CALN1: variants seen among roughly 807,000 people sequenced by gnomAD.
CALN1 encodes calneuron 1, also known as calcium-binding protein 8.
In CALN1, 17 loss-of-function variants were observed where a neutral mutation model predicts 30.6. That is an observed-to-expected ratio of 0.56 (90% CI 0.38 to 0.83). The LOEUF (loss-of-function observed/expected upper bound fraction) is 0.83. Ranked by LOEUF, CALN1 falls within the 40% of genes least tolerant of loss-of-function variation. The pLI is 0.00. For synonymous variants in CALN1, 156 were observed against 131.4 expected (o/e 1.19, Z -1.28); for missense variants, 291 against 354.9 (o/e 0.82, Z 1.45).
At chr7:72,097,360 G>C (rs1806307350) in intron 4 of CALN1, among the ~76,000 whole-genome samples, 1 of 152,180 alleles carries the variant, frequency 6.6e-6, no homozygotes. Flanking sequence ...CTTAGGTCTT[G>C]AGGATATCAA....
At chr7:72,270,540 G>T (rs1035551556) in intron 3 of CALN1, among the ~76,000 whole-genome samples, 5 of 152,184 alleles carry the variant, frequency 3.3e-5, no homozygotes, top group African/African-American at 1.2e-4. Flanking sequence ...GGGAGACTGA[G>T]GTGGGAGGAT....
intron 5 of CALN1, among the ~76,000 whole-genome samples, chr7:71,854,233 G>T (rs1056949751): frequency 1.3e-5 from 2 of 152,140 alleles, no homozygotes; most frequent in Non-Finnish European, 2.9e-5. Context: ...GGCCGGGCAG[G>T]AGGCTGAGGC....
intron 2 of CALN1, among the ~76,000 whole-genome samples, chr7:72,328,171 C>CCACT (rs1801414429): frequency 6.6e-6 from 1 of 152,080 alleles, no homozygotes; most frequent in Non-Finnish European, 1.5e-5. Context: ...CAAAACAGAG[C>CCACT]CACTTATTGG....
chr7:72,057,380 GTTC>G (rs1431601859), intron 4 of CALN1, among the ~76,000 whole-genome samples: 2 of 76,162 alleles, frequency 2.6e-5, no homozygotes, highest in Non-Finnish European at 4.8e-5. Context: ...CTTTTTAAAT[GTTC>G]TTTTTTTTTT....
At chr7:72,363,217 T>G (rs1396090461) in intron 2 of CALN1, among the ~76,000 whole-genome samples, 1 of 151,054 alleles carries the variant, frequency 6.6e-6, no homozygotes, top group East Asian at 1.9e-4. Context: ...GTTGTTCCCT[T>G]CTGTGAGATT....
At chr7:72,056,624 A>G (rs1238876335) in intron 4 of CALN1, among the ~76,000 whole-genome samples, 2 of 152,154 alleles carry the variant, frequency 1.3e-5, no homozygotes, top group Non-Finnish European at 2.9e-5. Context: ...TAACAAAAAA[A>G]TAGAGATTCA....
At chr7:72,063,626 A>G (rs1803815515) in intron 4 of CALN1, among the ~76,000 whole-genome samples, 1 of 152,226 alleles carries the variant, frequency 6.6e-6, no homozygotes, top group Admixed American at 6.5e-5. Flanking sequence ...AGCTGAAAAA[A>G]GCAAAACTTG....
intron 2 of CALN1, among the ~76,000 whole-genome samples, chr7:72,302,555 G>A (rs1164891026): frequency 2.0e-5 from 3 of 152,082 alleles, no homozygotes; most frequent in Non-Finnish European, 4.4e-5. Context: ...CGGAGGTGCA[G>A]GCATTCCAGA....
chr7:72,101,177 G>T (rs1232948754), intron 4 of CALN1, among the ~76,000 whole-genome samples: 1 of 152,056 alleles, frequency 6.6e-6, no homozygotes, highest in African/African-American at 2.4e-5. Context: ...TGTTGGTGAG[G>T]CTGGTCTCAA....
chr7:72,206,643 C>T (rs923496638), intron 3 of CALN1, among the ~76,000 whole-genome samples: 1 of 151,368 alleles, frequency 6.6e-6, no homozygotes, highest in African/African-American at 2.4e-5. Context: ...GCCTAAAATC[C>T]CTTAAGACTA....
chr7:72,025,846 G>A (rs1324251602), intron 4 of CALN1, among the ~76,000 whole-genome samples: 1 of 152,102 alleles, frequency 6.6e-6, no homozygotes. Context: ...ACAATGCCAA[G>A]CAGATGTGAG....
chr7:71,900,295 T>C (rs1793780159), intron 5 of CALN1, among the ~76,000 whole-genome samples: 1 of 152,138 alleles, frequency 6.6e-6, no homozygotes, highest in Non-Finnish European at 1.5e-5. Flanking sequence ...TTCAAGAGGG[T>C]ACTGGAAGTC....
At chr7:72,196,579 G>A (rs1791018699) in intron 3 of CALN1, among the ~76,000 whole-genome samples, 1 of 152,188 alleles carries the variant, frequency 6.6e-6, no homozygotes, top group African/African-American at 2.4e-5. Flanking sequence ...AAAAGAAAAA[G>A]ATGTCATATG....
chr7:72,248,406 C>T (rs1211866783), intron 3 of CALN1, among the ~76,000 whole-genome samples: 4 of 152,184 alleles, frequency 2.6e-5, no homozygotes, highest in Non-Finnish European at 5.9e-5. Context: ...GCCTCTTTGC[C>T]TTTTCTCACT....
At chr7:72,225,672 C>T (rs1360054295) in intron 3 of CALN1, among the ~76,000 whole-genome samples, 1 of 152,142 alleles carries the variant, frequency 6.6e-6, no homozygotes, top group Non-Finnish European at 1.5e-5. Flanking sequence ...AAATGTCACG[C>T]CATCTTGTGT....
At chr7:72,182,591 A>C (rs1212690285) in intron 3 of CALN1, among the ~76,000 whole-genome samples, 1 of 152,074 alleles carries the variant, frequency 6.6e-6, no homozygotes, top group Non-Finnish European at 1.5e-5. Flanking sequence ...GTGGTGGCAC[A>C]CACCTGTAGT....
chr7:71,825,431 A>T (rs932416826), intron 5 of CALN1, among the ~76,000 whole-genome samples: 2 of 152,118 alleles, frequency 1.3e-5, no homozygotes, highest in Non-Finnish European at 2.9e-5. Flanking sequence ...GAATGCACAG[A>T]GTGTGGCTTT....
intron 2 of CALN1, among the ~76,000 whole-genome samples, chr7:72,389,979 C>G (rs1275351838): frequency 6.6e-6 from 1 of 151,432 alleles, no homozygotes; most frequent in Non-Finnish European, 1.5e-5. Context: ...TTAACAAGCA[C>G]TAGTTTGATA....
chr7:72,328,316 T>A (rs1178508476), intron 2 of CALN1, among the ~76,000 whole-genome samples: 1 of 152,174 alleles, frequency 6.6e-6, no homozygotes, highest in Non-Finnish European at 1.5e-5. Flanking sequence ...TCCCCCATAC[T>A]GTTCTCATGG....
Sources: allele counts gnomAD v4.1 joint callset (sites outside exome capture counted in the v4.1 genomes callset), GRCh38; gene constraint gnomAD v4.1.1; transcripts MANE v1.5; gene names NCBI Gene and HGNC (gene_info 2026-07-23, HGNC 2026-07-21).